Variants in MYLK observed in about 807,000 individuals in gnomAD.
MYLK encodes the protein myosin light chain kinase.
Under a neutral mutation model 203.4 loss-of-function variants are expected in MYLK, and 106 were observed. The ratio of observed to expected loss-of-function variants is 0.52; its 90% CI spans 0.45 to 0.61. The LOEUF (loss-of-function observed/expected upper bound fraction) is 0.61. MYLK is among the 20% of genes least tolerant of loss of function. MYLK has a pLI of 0.00. For synonymous variants in MYLK, 867 were observed against 959.5 expected (o/e 0.90, Z 1.78); for missense variants, 2,072 against 2,442.3 (o/e 0.85, Z 3.20).
chr3:123,663,400 C>T (rs913633676), intron 23 of MYLK, among the ~76,000 whole-genome samples: 4 of 151,352 alleles, frequency 2.6e-5, no homozygotes, highest in Admixed American at 6.6e-5. Flanking sequence ...ACTAATGGGG[C>T]GTGGGGGTGA....
intron 4 of MYLK, among the ~76,000 whole-genome samples, chr3:123,778,990 T>C (rs1278338465): frequency 1.3e-5 from 2 of 152,136 alleles, no homozygotes; most frequent in African/African-American, 4.8e-5. Context: ...CAGCTAAAAA[T>C]GAAGAGTGGG....
At chr3:123,651,554 G>A (rs1039835821) in intron 24 of MYLK, among the ~76,000 whole-genome samples, 5 of 152,108 alleles carry the variant, frequency 3.3e-5, no homozygotes, top group African/African-American at 1.2e-4. Context: ...TTGTTCCTGT[G>A]CCACATTTTC....
intron 19 of MYLK, among the ~76,000 whole-genome samples, chr3:123,690,798 C>A (rs2060629942): frequency 6.6e-6 from 1 of 152,124 alleles, no homozygotes; most frequent in African/African-American, 2.4e-5. Context: ...TCTAGCTCTT[C>A]TTCCAAGACC....
chr3:123,805,415 G>A (rs1468878155), intron 3 of MYLK, among the ~76,000 whole-genome samples: 4 of 152,162 alleles, frequency 2.6e-5, no homozygotes, highest in Admixed American at 6.5e-5. Context: ...GGAGGGAGCC[G>A]AGACTGGGTT....
intron 5 of MYLK, among the ~76,000 whole-genome samples, chr3:123,741,613 C>T (rs1413764565): frequency 1.3e-5 from 2 of 152,158 alleles, no homozygotes; most frequent in Non-Finnish European, 2.9e-5. Flanking sequence ...TTTAAAGATG[C>T]TCTGCTCTTG....
intron 5 of MYLK, 132 bp downstream of exon 5, chr3:123,752,199 G>A: frequency 1.1e-6 from 1 of 932,898 alleles, no homozygotes; most frequent in Non-Finnish European, 1.7e-6. Flanking sequence ...GGAAGGTCCG[G>A]GGTTCAAGGA....
At chr3:123,684,501 C>A (rs2060380801) in intron 19 of MYLK, among the ~76,000 whole-genome samples, 1 of 152,144 alleles carries the variant, frequency 6.6e-6, no homozygotes, top group Non-Finnish European at 1.5e-5. Context: ...TTCTAACAGT[C>A]ACCAATGACA....
intron 4 of MYLK, among the ~76,000 whole-genome samples, chr3:123,756,989 G>C (rs1253541652): frequency 2.6e-5 from 4 of 152,124 alleles, no homozygotes; most frequent in Admixed American, 2.6e-4. Context: ...GCCTCAAAAG[G>C]CCTTTAAAAG....
At chr3:123,720,014 T>A (rs1364756240) in intron 13 of MYLK, among the ~76,000 whole-genome samples, 1 of 152,200 alleles carries the variant, frequency 6.6e-6, no homozygotes, top group Non-Finnish European at 1.5e-5. Context: ...AGAGCCCAAA[T>A]GCTGCCGGGC....
intron 2 of MYLK, among the ~76,000 whole-genome samples, chr3:123,852,838 T>G (rs944311281): frequency 6.6e-6 from 1 of 152,182 alleles, no homozygotes; most frequent in Admixed American, 6.6e-5. Context: ...ATGTTCAGTT[T>G]GCAACCAGAA....
chr3:123,834,337 C>T (rs553179502), intron 2 of MYLK, among the ~76,000 whole-genome samples: 22 of 152,300 alleles, frequency 1.4e-4, no homozygotes, highest in South Asian at 6.2e-4. Context: ...TGAGCTACTG[C>T]GCCCAGCCTC....
chr3:123,880,135 C>A (rs1055113432), intron 1 of MYLK, among the ~76,000 whole-genome samples: 8 of 152,028 alleles, frequency 5.3e-5, no homozygotes, highest in Non-Finnish European at 1.0e-4. Flanking sequence ...TTTTTATAAC[C>A]GCCCTCATTG....
intron 19 of MYLK, among the ~76,000 whole-genome samples, chr3:123,683,727 G>T (rs1051295576): frequency 1.3e-5 from 2 of 152,148 alleles, no homozygotes; most frequent in African/African-American, 4.8e-5. Context: ...GGCTGTGGGG[G>T]CAATCCCCCA....
At chr3:123,667,585 C>A (rs912480303) in intron 20 of MYLK, among the ~76,000 whole-genome samples, 5 of 148,540 alleles carry the variant, frequency 3.4e-5, no homozygotes, top group African/African-American at 7.5e-5. Context: ...GCCTGGGTGA[C>A]AGAGTGAGAC....
In MYLK at chr3:123,696,417, C is replaced by T. The variant is rs372253096; in HGVS notation, c.3449-3566G>A. Among the ~76,000 whole-genome samples the T allele has an allele frequency of 2.7e-3, 408 of 152,182 alleles. 2 individuals are homozygous for T. Among genetic ancestry groups the T allele is most frequent in the African/African-American group, 9.6e-3 (400 of 41,534 alleles). On this transcript the variant is annotated intron_variant, in intron 18 of 33. Transcript: ENST00000360304. ...GGGCTCCAAGTCAGGAAGCCGGGGG[C>T]AGGGCCAGTGCTGAGCTGAGTGTGA...
At chr3:123,701,620 G>T in intron 16 of MYLK, 111 bp from the exon 17 acceptor site, 2 of 1,042,498 alleles carry the variant, frequency 1.9e-6, no homozygotes, top group Non-Finnish European at 3.0e-6. Context: ...GAAGTCGCCG[G>T]CTTGACTGAG....
intron 2 of MYLK, among the ~76,000 whole-genome samples, chr3:123,841,198 A>G (rs2066584378): frequency 6.6e-6 from 1 of 152,146 alleles, no homozygotes; most frequent in African/African-American, 2.4e-5. Flanking sequence ...GTCCTGGACA[A>G]CTATCTGTGA....
chr3:123,677,918 T>TATATATATATATATATATATATACAC (rs1273803739), intron 20 of MYLK, among the ~76,000 whole-genome samples: 4 of 78,882 alleles, frequency 5.1e-5, no homozygotes, highest in African/African-American at 1.2e-4. Context: ...TATATATATA[T>TATATATATATATATATATATATACAC]ACACACACAC....
At chr3:123,740,270 C>T (rs1397824363) in intron 5 of MYLK, among the ~76,000 whole-genome samples, 2 of 152,086 alleles carry the variant, frequency 1.3e-5, no homozygotes, top group Non-Finnish European at 2.9e-5. Context: ...GTCATCCATA[C>T]AAGGTCACAA....
Sources: gnomAD v4.1 joint callset for allele counts (sites outside exome capture counted in the v4.1 genomes callset) on GRCh38, gnomAD v4.1.1 for gene constraint, MANE v1.5 for transcripts, NCBI Gene and HGNC (gene_info 2026-07-23, HGNC 2026-07-21) for gene names.